SVIL: variants seen among roughly 807,000 people sequenced by gnomAD.
The protein encoded by SVIL is archvillin.
Under a neutral mutation model 240.4 loss-of-function variants are expected in SVIL, and 101 were observed. That is an observed-to-expected ratio of 0.42 (90% CI 0.36 to 0.50). The LOEUF is 0.50. Ranked by LOEUF, SVIL falls within the 20% of genes least tolerant of loss-of-function variation. The pLI is 0.01. For synonymous variants in SVIL, 999 were observed against 1,100.0 expected, an observed-to-expected ratio of 0.91 and a Z score of 1.82; for missense variants, 2,512 against 2,818.7, an observed-to-expected ratio of 0.89 and a Z score of 2.46.
intron 35 of SVIL, 126 bp downstream of exon 35, chr10:29,463,366 C>A: frequency 7.6e-7 from 1 of 1,309,076 alleles, no homozygotes; most frequent in Non-Finnish European, 1.0e-6. Flanking sequence ...TTCATCACCA[C>A]CTGCCAGGCT....
intron 2 of SVIL, among the ~76,000 whole-genome samples, chr10:29,671,621 G>C (rs1959781508): frequency 6.6e-6 from 1 of 152,218 alleles, no homozygotes; most frequent in Non-Finnish European, 1.5e-5. Context: ...AGCTGTTTCT[G>C]CGTCTTTCCA....
chr10:29,697,141 TGG>T (rs1360495739), intron 1 of SVIL, among the ~76,000 whole-genome samples: 2 of 61,358 alleles, frequency 3.3e-5, no homozygotes, highest in Admixed American at 1.8e-4. Flanking sequence ...GGGAGGGAGG[TGG>T]GGGGGGTCAG....
intron 29 of SVIL, among the ~76,000 whole-genome samples, chr10:29,477,964 C>G (rs561021196): frequency 3.3e-5 from 5 of 152,342 alleles, no homozygotes; most frequent in Non-Finnish European, 5.9e-5. Flanking sequence ...TTCATTCACT[C>G]ACAATTACTT....
At chr10:29,551,353 C>T in intron 5 of SVIL, 90 bp from the exon 6 acceptor site, 1 of 1,255,734 alleles carries the variant, frequency 8.0e-7, no homozygotes, top group Non-Finnish European at 1.1e-6. Flanking sequence ...ACACAGCACA[C>T]ACCTGGGTGC....
intron 6 of SVIL, among the ~76,000 whole-genome samples, chr10:29,539,176 T>TAAATAAATAAAC (rs1242944932): frequency 1.3e-5 from 2 of 151,564 alleles, no homozygotes; most frequent in Non-Finnish European, 2.9e-5. Context: ...AATAAATAAA[T>TAAATAAATAAAC]AAATAAATAA....
Position 29,482,422 on chromosome 10 carries a change from C to T in SVIL, c.4956-694G>A, listed in dbSNP as rs1037012765. On this transcript the variant is annotated intron_variant, in intron 27 of 37. Coordinates refer to ENST00000355867, the MANE Select transcript of SVIL (RefSeq NM_021738.3). ...GCAGGAAAACCTTGTCTACTTTAGC[C>T]GCCCAGTCACCTGCAGATGCTTACC... 9.2e-5 allele frequency among the ~76,000 whole-genome samples: 14 copies of T among 152,240 alleles called. No homozygotes were observed. The South Asian group carries it at 1.4e-3, about 16-fold the overall frequency.
chr10:29,576,061 T>C (rs1955682049), intron 1 of SVIL: 1 of 980,748 alleles, frequency 1.0e-6, no homozygotes, highest in African/African-American at 1.8e-5. Flanking sequence ...CCATGAAACT[T>C]GAAATTGGAT....
In SVIL at chr10:29,532,857, G is replaced by A. The variant is rs771025913; in HGVS notation, c.1510C>T (p.His504Tyr). ...ENVAQPPQAP[H>Y]QPTERTGRSE... The stretch of plus-strand genomic sequence containing the variant: ...CTGCCTGTCCTCTCAGTGGGCTGGT[G>A]CGGAGCTTGAGGGGGTTGTGCCACG... The change falls in exon 8 of 38, where the codon CAC becomes TAC. Residue 504 changes from histidine (H) to tyrosine (Y), a missense_variant. By Grantham distance (83) the His-to-Tyr change is moderately conservative. Coordinates refer to ENST00000355867, the MANE Select transcript of SVIL (RefSeq NM_021738.3). 2 of 1,614,154 alleles carry A rather than the reference G, an allele frequency of 1.2e-6. No homozygotes were observed. The highest frequency in any genetic ancestry group is 1.7e-5 in the Admixed American group (1 of 60,008).
chr10:29,636,207 G>T (rs1958306306), upstream of SVIL, among the ~76,000 whole-genome samples: 1 of 151,622 alleles, frequency 6.6e-6, no homozygotes, highest in African/African-American at 2.4e-5. Flanking sequence ...TTTTCCCTTG[G>T]ACCATATTGG....
At chr10:29,612,894 G>A (rs1957297164) in intron 1 of SVIL, among the ~76,000 whole-genome samples, 1 of 152,106 alleles carries the variant, frequency 6.6e-6, no homozygotes, top group South Asian at 2.1e-4. Context: ...AAGGAGGGAT[G>A]AGGCTGGGCG....
intron 1 of SVIL, among the ~76,000 whole-genome samples, chr10:29,612,147 G>A (rs74131915): frequency 0.019 from 2,890 of 152,218 alleles, 90 homozygotes; most frequent in African/African-American, 0.067. Flanking sequence ...AAGAGAATGT[G>A]CTTCCACCCC....
rs182190178 is a variant in SVIL at position 29,519,204 on chromosome 10, G to A, written c.3389+3206C>T. 3.1e-3 allele frequency among the ~76,000 whole-genome samples: 470 copies of A among 152,272 alleles called. 7 individuals carry two copies. In the South Asian group the frequency reaches 0.045, roughly 15 times the overall value. ...CTTTCTAACACTGCTGTCTAGCTGG[G>A]ATTTCTGTCCTCTCACCGTATTCTC... On this transcript the variant is annotated intron_variant, in intron 16 of 37. Transcript: ENST00000355867.
Position 29,721,449 on chromosome 10 carries a change from T to C in SVIL, c.-400+14302A>G, listed in dbSNP as rs574368971. Among the ~76,000 whole-genome samples the C allele has an allele frequency of 6.3e-4, 96 of 151,586 alleles. 1 individual carries two copies. The highest frequency in any genetic ancestry group is 1.2e-3 in the Non-Finnish European group (79 of 67,956). ...TCATATTGGGGAAAAAAGATACAAC[T>C]GTATACTGCCTACAAAAAAAAAGCA... On this transcript the variant is annotated intron_variant, in intron 1 of 35. Coordinates refer to the SVIL transcript ENST00000375400.
At chr10:29,509,635 G>A (rs1483001184) in intron 17 of SVIL, among the ~76,000 whole-genome samples, 1 of 151,928 alleles carries the variant, frequency 6.6e-6, no homozygotes, top group Non-Finnish European at 1.5e-5. Flanking sequence ...GATCACCTGA[G>A]GTTGGGAGTT....
intron 1 of SVIL, among the ~76,000 whole-genome samples, chr10:29,731,937 T>A (rs1964644729): frequency 6.6e-6 from 1 of 152,228 alleles, no homozygotes; most frequent in Admixed American, 6.5e-5. Context: ...TGCTATGTGA[T>A]CCAAAATAAC....
At chr10:29,616,360 A>C (rs1957426412) in intron 1 of SVIL, among the ~76,000 whole-genome samples, 1 of 152,202 alleles carries the variant, frequency 6.6e-6, no homozygotes, top group South Asian at 2.1e-4. Flanking sequence ...TTAAGACAAA[A>C]GCGTGTAAAC....
intron 15 of SVIL, 53 bp downstream of exon 15, chr10:29,523,398 C>A: frequency 6.7e-7 from 1 of 1,496,198 alleles, no homozygotes; most frequent in Non-Finnish European, 9.0e-7. Context: ...ACAAATCAAG[C>A]AGAAACTAAA....
chr10:29,539,165 T>TAATAAATA (rs71020796), intron 6 of SVIL, among the ~76,000 whole-genome samples: 8,753 of 149,106 alleles, frequency 0.059, 343 homozygotes, highest in African/African-American at 0.1. Flanking sequence ...ACTCGGCCTC[T>TAATAAATA]AATAAATAAA....
intron 6 of SVIL, among the ~76,000 whole-genome samples, chr10:29,549,001 C>A (rs376037551): frequency 0.038 from 5,731 of 151,788 alleles, 302 homozygotes; most frequent in South Asian, 0.12. Flanking sequence ...GCAACAAAAG[C>A]CAAAATTGAC....
Sources: gnomAD v4.1 joint callset for allele counts (sites outside exome capture counted in the v4.1 genomes callset) on GRCh38, gnomAD v4.1.1 for gene constraint, MANE v1.5 for transcripts, NCBI Gene and HGNC (gene_info 2026-07-23, HGNC 2026-07-21) for gene names.